Variants in TARS2 observed in about 807,000 individuals in gnomAD.
The protein encoded by TARS2 is threonyl-tRNA synthetase 2, mitochondrial.
TARS2 carries 61 observed loss-of-function variants against 94.4 expected under a neutral mutation model. The ratio of observed to expected loss-of-function variants is 0.65; its 90% CI spans 0.53 to 0.80. The LOEUF is 0.80. Ranked by LOEUF, TARS2 falls within the 30% of genes least tolerant of loss-of-function variation. The pLI is 0.00. For synonymous variants in TARS2, 359 were observed against 353.4 expected (o/e 1.02, Z -0.18); for missense variants, 704 against 902.5 (o/e 0.78, Z 2.82).
rs1181266424 is a variant in TARS2, at chr1:150,488,985, A to C, written c.285A>C (p.Ala95=). 1 of 1,614,014 alleles carries C rather than the reference A, an allele frequency of 6.2e-7. No homozygotes were observed. The highest frequency in any genetic ancestry group is 8.5e-7 in the Non-Finnish European group (1 of 1,179,986). ...RQISSTLADT[A]VAAQVNGEPY... is the part of the protein sequence containing the mutation. ...GAAGTTCAACACTGGCAGATACTGC[A>C]GTGGCTGCTCAAGTGAATGGAGAAC... The change falls in exon 3 of 18, where the codon GCA becomes GCC. Residue 95 remains alanine (A), a synonymous_variant. Transcript: ENST00000369064.
chr1:150,503,508 T>A (rs1670012985), intron 13 of TARS2, among the ~76,000 whole-genome samples: 1 of 148,330 alleles, frequency 6.7e-6, no homozygotes, highest in African/African-American at 2.5e-5. Context: ...GCCAACATGG[T>A]GAAACCCCAT....
At chr1:150,491,356 C>T in intron 4 of TARS2, 38 bp from the exon 5 acceptor site, 5 of 1,607,136 alleles carry the variant, frequency 3.1e-6, no homozygotes, top group Non-Finnish European at 4.3e-6. Context: ...ATTGATGCAC[C>T]TCATAGGATG....
At position 150,487,610 on chromosome 1, in the gene TARS2, TCCTCTC is replaced by T. The variant is rs911481210; in HGVS notation, c.66+98_66+103del. The T allele has an allele frequency of 1.1e-5, 17 of 1,527,126 alleles. No homozygotes were observed. The African/African-American group carries it at 1.9e-4, about 17-fold the overall frequency. The allele number at this position is 1,527,126 out of a possible 1,614,324, so 94.6% of individuals were successfully genotyped here. On this transcript the variant is annotated intron_variant, in intron 1 of 17. Transcript: ENST00000369064. ...TGTTAACCCAGCCTCACGCCACTCC[TCCTCTC>T]CCTGGTCCTCCGAGTCCCCAGAAAA...
intron 1 of TARS2, 37 bp from the exon 2 acceptor site, chr1:150,487,821 G>A: frequency 6.3e-7 from 1 of 1,593,624 alleles, no homozygotes; most frequent in East Asian, 2.2e-5. Flanking sequence ...AAGAATGATG[G>A]GACGTGTGTT....
Position 150,498,602 on chromosome 1 carries a change from G to A in TARS2, c.1339G>A (p.Gly447Arg), listed in dbSNP as rs749794044. ...HRAEASGGLG[G>R]LTRLRCFQQD... ...GGCCGAAGCCTCTGGTGGTCTGGGGGGACTGACCCGACTGCGGTGCTTCCA... is the reference window on the plus strand; with the variant it reads ...GGCCGAAGCCTCTGGTGGTCTGGGGAGACTGACCCGACTGCGGTGCTTCCA... The change falls in exon 11 of 18, where the codon GGA becomes AGA. Residue 447 changes from glycine (G) to arginine (R), a missense_variant. Physicochemically the swap from Gly to Arg is moderately radical, Grantham distance 125 (BLOSUM62 -2). Around this residue, in one of 3 missense-constraint regions of TARS2, gnomAD observed 466 missense variants for 609.5 expected, o/e 0.76. Coordinates refer to ENST00000369064, the MANE Select transcript of TARS2 (RefSeq NM_025150.5). The A allele has an allele frequency of 6.2e-7, 1 of 1,612,400 alleles. No individual in the cohort carries two copies. Among genetic ancestry groups the A allele is most frequent in the Non-Finnish European group, 8.5e-7 (1 of 1,179,538 alleles).
At chr1:150,504,865 C>T (rs2102511631) in intron 15 of TARS2, 41 bp from the exon 16 acceptor site, 1 of 1,613,022 alleles carries the variant, frequency 6.2e-7, no homozygotes, top group Non-Finnish European at 8.5e-7. Flanking sequence ...TGGCCAGAGC[C>T]AGAGTGACTA....
intron 13 of TARS2, among the ~76,000 whole-genome samples, chr1:150,502,038 G>A (rs987301878): frequency 2.7e-5 from 4 of 149,786 alleles, no homozygotes; most frequent in South Asian, 2.1e-4. Flanking sequence ...CCAGCCTCCC[G>A]AGTAGCTGGG....
intron 3 of TARS2, among the ~76,000 whole-genome samples, chr1:150,489,990 AGACT>A (rs1232581398): frequency 6.6e-6 from 1 of 152,172 alleles, no homozygotes; most frequent in Non-Finnish European, 1.5e-5. Flanking sequence ...GAGCAGCAGA[AGACT>A]GACTGGCCTC....
Position 150,504,341 on chromosome 1 carries a change from G to T in TARS2, c.1624G>T (p.Val542Leu). ...DGAFYGPKID[V>L]HLHDALGRPH... Reference sequence around the variant, plus strand: ...TCCCATCTGTTTCCTGTAGATTGACGTGCACCTCCACGATGCCCTGGGCCG... The same window carrying T: ...TCCCATCTGTTTCCTGTAGATTGACTTGCACCTCCACGATGCCCTGGGCCG... The change falls in exon 14 of 18, where the codon GTG becomes TTG. Residue 542 changes from valine (V) to leucine (L), a missense_variant. Coordinates refer to ENST00000369064, the MANE Select transcript of TARS2 (RefSeq NM_025150.5). 6.2e-7 allele frequency: 1 copy of T among 1,613,940 alleles called. No homozygotes were observed.
At chr1:150,496,408 T>C in intron 7 of TARS2, 74 bp from the exon 8 acceptor site, 1 of 1,507,526 alleles carries the variant, frequency 6.6e-7, no homozygotes, top group Non-Finnish European at 8.9e-7. Flanking sequence ...ACACTGAGAG[T>C]ATCATTTGAG....
At chr1:150,492,211 A>C in intron 6 of TARS2, 200 bp from the exon 7 acceptor site, 1 of 528,390 alleles carries the variant, frequency 1.9e-6, no homozygotes, top group Admixed American at 3.2e-5. Flanking sequence ...TGATCCACCC[A>C]CCTTGGCCTC....
Position 150,490,687 on chromosome 1 carries a change from A to T in TARS2, c.474A>T (p.Glu158Asp). 6.2e-7 allele frequency: 1 copy of T among 1,614,030 alleles called. No homozygotes were observed. Among genetic ancestry groups the T allele is most frequent in the Non-Finnish European group, 8.5e-7 (1 of 1,180,028 alleles). ...TTCTCTGCAGAGGTCCAAGTACAGA[A>T]TATGGCTTTTACCATGATTTCTTCC... ...GAVLCRGPST[E>D]YGFYHDFFLG... The change falls in exon 4 of 18, where the codon GAA becomes GAT. Residue 158 changes from glutamate to aspartate, a missense_variant. Physicochemically the swap from Glu to Asp is conservative, Grantham distance 45 (BLOSUM62 2). This residue lies in a region of TARS2 where 208 missense variants were observed against 228.5 expected (regional missense o/e 0.91). Transcript: ENST00000369064.
intron 10 of TARS2, 114 bp downstream of exon 10, chr1:150,497,861 G>A (rs587729721): frequency 9.2e-7 from 1 of 1,092,830 alleles, no homozygotes; most frequent in Admixed American, 2.6e-5. Context: ...GGAGGCCGAG[G>A]CGGGCGGATC....
intron 13 of TARS2, among the ~76,000 whole-genome samples, chr1:150,503,557 GTGTGTGTGTGTGTGTGTGTGTATATATA>G (rs1171629573): frequency 3.2e-5 from 3 of 93,238 alleles, no homozygotes; most frequent in South Asian, 2.9e-4. Flanking sequence ...GTGTGTGTGT[GTGTGTGTGTGTGTGTGTGTGTATATATA>G]TGTGTGTGTG....
At chr1:150,498,128 G>A (rs1570853590) in intron 10 of TARS2, among the ~76,000 whole-genome samples, 2 of 151,494 alleles carry the variant, frequency 1.3e-5, no homozygotes, top group South Asian at 4.2e-4. Context: ...CTTGGAAAGA[G>A]TATTGGGACA....
In TARS2 at chr1:150,490,694, T is replaced by C; in HGVS notation, c.481T>C (p.Phe161Leu). The C allele has an allele frequency of 6.2e-7, 1 of 1,613,872 alleles. No homozygotes were observed. The highest frequency in any genetic ancestry group is 1.1e-5 in the South Asian group (1 of 91,056). The change falls in exon 4 of 18, where the codon TTT (phenylalanine) becomes CTT (leucine). Residue 161 changes from phenylalanine (F) to leucine (L), a missense_variant. Around this residue, in one of 3 missense-constraint regions of TARS2, gnomAD observed 208 missense variants for 228.5 expected, o/e 0.91. Coordinates refer to ENST00000369064, the MANE Select transcript of TARS2 (RefSeq NM_025150.5). ...CAGAGGTCCAAGTACAGAATATGGCTTTTACCATGATTTCTTCCTGGGAAA... is the reference window on the plus strand; with the variant it reads ...CAGAGGTCCAAGTACAGAATATGGCCTTTACCATGATTTCTTCCTGGGAAA... Reference protein sequence around the residue: ...LCRGPSTEYGFYHDFFLGKER... With the variant: ...LCRGPSTEYGLYHDFFLGKER...
At chr1:150,503,585 A>ATGTGTG (rs1180611628) in intron 13 of TARS2, among the ~76,000 whole-genome samples, 2,398 of 137,084 alleles carry the variant, frequency 0.017, 65 homozygotes, top group African/African-American at 0.044. Context: ...GTGTATATAT[A>ATGTGTG]TGTGTGTGTG....
chr1:150,504,310 G>A lies in TARS2; in HGVS notation c.1618-25G>A, dbSNP rs4970927. 8.6e-3 allele frequency: 13,783 copies of A among 1,611,750 alleles called. 988 individuals are homozygous for A. The Admixed American group carries it at 0.14, about 16-fold the overall frequency. The stretch of plus-strand genomic sequence containing the variant: ...CTGGATAGTGCTTCTGGCTTATCTC[G>A]TGCCTTCCCATCTGTTTCCTGTAGA... On this transcript the variant is annotated intron_variant, in intron 13 of 17. Coordinates refer to ENST00000369064, the MANE Select transcript of TARS2 (RefSeq NM_025150.5).
In TARS2 at chr1:150,488,963, G is replaced by A; in HGVS notation, c.264-1G>A. On this transcript the variant is annotated splice_acceptor_variant, in intron 2 of 17. Coordinates refer to ENST00000369064, the MANE Select transcript of TARS2 (RefSeq NM_025150.5). LOFTEE classifies it high-confidence loss of function. The stretch of plus-strand genomic sequence containing the variant: ...TTCATCCCCACCTTCCACTGCTGAA[G>A]TTCAACACTGGCAGATACTGCAGTG... The A allele has an allele frequency of 1.9e-6, 3 of 1,612,782 alleles. No individual in the cohort carries two copies. Among genetic ancestry groups the A allele is most frequent in the Non-Finnish European group, 2.5e-6 (3 of 1,179,246 alleles).
Sources: gnomAD v4.1 joint callset for allele counts (sites outside exome capture counted in the v4.1 genomes callset) on GRCh38, gnomAD v4.1.1 for gene constraint, gnomAD v4.1.1 regional missense constraint, MANE v1.5 for transcripts, NCBI Gene and HGNC (gene_info 2026-07-23, HGNC 2026-07-21) for gene names.